Variants in CBFA2T3 observed in about 807,000 individuals in gnomAD.
CBFA2T3 encodes the protein transcriptional corepressor CBFA2T3.
Under a neutral mutation model 58.6 loss-of-function variants are expected in CBFA2T3, and 31 were observed. The observed-to-expected ratio is 0.53, with a 90% CI of 0.40 to 0.71. CBFA2T3 has a LOEUF of 0.71. Ranked by LOEUF, CBFA2T3 falls within the 30% of genes least tolerant of loss-of-function variation. The probability of loss-of-function intolerance (pLI) is 0.00; values close to 1 mark genes in which losing one functional copy is unlikely to be tolerated. For missense variants in CBFA2T3, 1,076 were observed against 963.1 expected (o/e 1.12, Z -1.55); for synonymous variants, 531 against 421.9 (o/e 1.26, Z -3.17).
chr16:88,889,453 G>A (rs934304109), intron 5 of CBFA2T3, among the ~76,000 whole-genome samples: 5 of 151,690 alleles, frequency 3.3e-5, no homozygotes, highest in African/African-American at 1.2e-4. Flanking sequence ...GTGATGTGGG[G>A]TCCCCTTGGG....
Position 88,881,302 on chromosome 16 carries a change from C to T in CBFA2T3, c.1391G>A (p.Gly464Glu). ...CACCCCACACGCACCTAGCTGAGGC[C>T]CTTCGGGACCGGCGGAGCTGCTGCG... is the stretch of plus-strand genomic sequence containing the variant. Reference protein sequence around the residue: ...RPRSSSAGPEGPQLDVPREFL... With the variant: ...RPRSSSAGPEEPQLDVPREFL... Residue 464 changes from glycine to glutamate, a missense_variant, in exon 9 of 12, where the codon GGG becomes GAG. By Grantham distance (98) the Gly-to-Glu change is moderately conservative. Transcript: ENST00000268679. 2 of 1,591,322 alleles carry T rather than the reference C, an allele frequency of 1.3e-6. No homozygotes were observed. Among genetic ancestry groups the T allele is most frequent in the South Asian group, 1.1e-5 (1 of 89,294 alleles).
intron 1 of CBFA2T3, among the ~76,000 whole-genome samples, chr16:88,903,631 G>A (rs767101093): frequency 9.1e-4 from 135 of 148,328 alleles, no homozygotes; most frequent in South Asian, 1.3e-3. Flanking sequence ...ATGTGGCAGG[G>A]TGTTCCTGTG....
intron 1 of CBFA2T3, among the ~76,000 whole-genome samples, chr16:88,921,207 ATTG>A (rs1343080108): frequency 1.3e-5 from 2 of 152,260 alleles, no homozygotes; most frequent in East Asian, 3.8e-4. Context: ...TGCCTCTGCC[ATTG>A]TTGATGTAAA....
chr16:88,901,492 G>T lies in CBFA2T3; in HGVS notation c.304+12C>A. 2 of 1,433,904 alleles carry T rather than the reference G, an allele frequency of 1.4e-6. No individual in the cohort carries two copies. Among genetic ancestry groups the T allele is most frequent in the Non-Finnish European group, 1.8e-6 (2 of 1,084,108 alleles). The allele number at this position is 1,433,904 out of a possible 1,614,324, so 88.8% of individuals were successfully genotyped here. A position where few individuals can be genotyped will look rare whatever the true frequency, so the allele number is the denominator to read the frequency against. The stretch of plus-strand genomic sequence containing the variant: ...ACACCTGGCCCTCGGCTGCCAGGTG[G>T]GGGCTACTTACGTGTGTGTGGCGTG... On this transcript the variant is annotated intron_variant, in intron 2 of 11. Coordinates refer to ENST00000268679, the MANE Select transcript of CBFA2T3 (RefSeq NM_005187.6).
At chr16:88,888,048 G>A (rs922095065) in intron 5 of CBFA2T3, among the ~76,000 whole-genome samples, 1 of 152,136 alleles carries the variant, frequency 6.6e-6, no homozygotes, top group Non-Finnish European at 1.5e-5. Flanking sequence ...CTGCAAACTA[G>A]CGCTGTGGAG....
chr16:88,891,862 G>A lies in CBFA2T3; in HGVS notation c.711+20C>T, dbSNP rs367989405. On this transcript the variant is annotated intron_variant, in intron 5 of 11. Coordinates refer to ENST00000268679, the MANE Select transcript of CBFA2T3 (RefSeq NM_005187.6). ...CTTCTAGGGAGGCTCCCGCAGCACG[G>A]GGGACGGGTTTCGCATTACCTTCAG... 1 of 1,576,098 alleles carries A rather than the reference G, an allele frequency of 6.3e-7. No individual in the cohort carries two copies. Among genetic ancestry groups the A allele is most frequent in the African/African-American group, 1.4e-5 (1 of 73,654 alleles).
intron 1 of CBFA2T3, among the ~76,000 whole-genome samples, chr16:88,967,281 C>T (rs1285827198): frequency 6.6e-6 from 1 of 152,186 alleles, no homozygotes; most frequent in Non-Finnish European, 1.5e-5. Flanking sequence ...ATGCAGTCAG[C>T]CTCGCAGGTG....
chr16:88,913,117 G>A (rs1769846034), intron 1 of CBFA2T3, among the ~76,000 whole-genome samples: 2 of 152,270 alleles, frequency 1.3e-5, no homozygotes, highest in East Asian at 1.9e-4. Flanking sequence ...CTGGCCGGGG[G>A]ACTTGCTTTG....
At chr16:88,944,820 G>A (rs1312505029) in intron 1 of CBFA2T3, among the ~76,000 whole-genome samples, 1 of 152,236 alleles carries the variant, frequency 6.6e-6, no homozygotes, top group Admixed American at 6.5e-5. Context: ...CAGGCGCTAG[G>A]CCCTCTCATG....
intron 3 of CBFA2T3, among the ~76,000 whole-genome samples, chr16:88,893,314 C>T (rs1239675971): frequency 2.0e-5 from 3 of 149,836 alleles, no homozygotes; most frequent in Non-Finnish European, 4.4e-5. Flanking sequence ...CCCCGACACA[C>T]AGGTGCCTCC....
intron 11 of CBFA2T3, among the ~76,000 whole-genome samples, chr16:88,879,030 C>T (rs1418309890): frequency 6.6e-6 from 1 of 152,252 alleles, no homozygotes; most frequent in Admixed American, 6.5e-5. Flanking sequence ...GCTGCCAACC[C>T]TCTCGAGCCC....
chr16:88,881,388 C>T lies in CBFA2T3; in HGVS notation c.1305G>A (p.Ala435=), dbSNP rs750000298. 12 of 1,600,184 alleles carry T rather than the reference C, an allele frequency of 7.5e-6. 1 individual carries two copies. The African/African-American group carries it at 8.0e-5, about 11-fold the overall frequency. The change falls in exon 9 of 12, where the codon GCG becomes GCA. Residue 435 remains alanine (A), a synonymous_variant. Transcript: ENST00000268679. ...EADREELNHW[A]RRYSDAEDTK... ...TGTCCTCGGCGTCGCTGTAGCGCCG[C>T]GCCCAGTGGTTGAGCTCCTCGCGGT...
At chr16:88,915,934 G>T (rs1463418825) in intron 1 of CBFA2T3, among the ~76,000 whole-genome samples, 2 of 152,042 alleles carry the variant, frequency 1.3e-5, no homozygotes, top group East Asian at 1.9e-4. Flanking sequence ...ATGTGTGCGT[G>T]TGAGTGTGCA....
chr16:88,901,766 T>A, intron 1 of CBFA2T3, 110 bp from the exon 2 acceptor site: 1 of 961,160 alleles, frequency 1.0e-6, no homozygotes, highest in East Asian at 3.3e-5. Flanking sequence ...CGCCCAGCGC[T>A]GGGGCAGTCT....
chr16:88,909,594 G>C (rs7405396), intron 1 of CBFA2T3, among the ~76,000 whole-genome samples: 1 of 112,044 alleles, frequency 8.9e-6, no homozygotes, highest in African/African-American at 3.4e-5. Context: ...CTGGGACGGA[G>C]GACGCCACTG....
In CBFA2T3 at chr16:88,953,428, G is replaced by C. The variant is rs913409467; in HGVS notation, c.151+23229C>G. Among the ~76,000 whole-genome samples, 6 of 136,674 alleles carry C rather than the reference G, an allele frequency of 4.4e-5. No individual in the cohort carries two copies. Among genetic ancestry groups the C allele is most frequent in the African/African-American group, 1.7e-4 (5 of 29,758 alleles). The allele number at this position is 136,674 out of a possible 152,430, so 89.7% of individuals were successfully genotyped here. On this transcript the variant is annotated intron_variant, in intron 1 of 11. Coordinates refer to ENST00000268679, the MANE Select transcript of CBFA2T3 (RefSeq NM_005187.6). The surrounding 1 kb of genome is among the most constrained non-coding windows in gnomAD (Gnocchi z 4.9). The stretch of plus-strand genomic sequence containing the variant: ...TGCCCTGGAGACACTGTGTCCAGAG[G>C]CCAGCATAGCCCTCAAAACGGTTCC...
chr16:88,912,991 G>A (rs1398194024), intron 1 of CBFA2T3, among the ~76,000 whole-genome samples: 3 of 152,356 alleles, frequency 2.0e-5, no homozygotes, highest in South Asian at 2.1e-4. Context: ...CCCCCAAGGC[G>A]CGTTTCCTGC....
intron 1 of CBFA2T3, among the ~76,000 whole-genome samples, chr16:88,920,205 A>T (rs1970866273): frequency 6.6e-6 from 1 of 152,232 alleles, no homozygotes; most frequent in South Asian, 2.1e-4. Context: ...CCATGCACTG[A>T]CAGTCGCTGG....
At chr16:88,963,276 C>T (rs949386566) in intron 1 of CBFA2T3, among the ~76,000 whole-genome samples, 3 of 146,638 alleles carry the variant, frequency 2.0e-5, no homozygotes, top group East Asian at 2.0e-4. Flanking sequence ...GGTGGGCGCT[C>T]GTCTTCTGCC....
Sources: gnomAD v4.1 joint callset for allele counts (sites outside exome capture counted in the v4.1 genomes callset) on GRCh38, gnomAD v4.1.1 for gene constraint, Gnocchi (gnomAD v3.1) non-coding constraint, MANE v1.5 for transcripts, NCBI Gene and HGNC (gene_info 2026-07-23, HGNC 2026-07-21) for gene names.